The following USH2A variants were observed in gnomAD, a reference collection of about 807,000 sequenced individuals.
The protein encoded by USH2A is Usher syndrome 2A (autosomal recessive, mild).
USH2A carries 443 observed loss-of-function variants against 538.9 expected under a neutral mutation model. The observed-to-expected ratio is 0.82, with a 90% CI of 0.76 to 0.89. The LOEUF (loss-of-function observed/expected upper bound fraction) is 0.89, where lower values mean the gene tolerates loss of function less well. Ranked by LOEUF, USH2A falls within the 40% of genes least tolerant of loss-of-function variation. The probability of loss-of-function intolerance (pLI) is 0.00; values close to 1 mark genes in which losing one functional copy is unlikely to be tolerated. For missense variants in USH2A, 6,633 were observed against 6,324.8 expected, an observed-to-expected ratio of 1.05 and a Z score of -1.65; for synonymous variants, 2,413 against 2,273.5, an observed-to-expected ratio of 1.06 and a Z score of -1.75.
At chr1:215,975,111 A>G (rs1667590895) in intron 35 of USH2A, among the ~76,000 whole-genome samples, 1 of 151,684 alleles carries the variant, frequency 6.6e-6, no homozygotes, top group African/African-American at 2.4e-5. Flanking sequence ...CATGTTTGTT[A>G]GCTGTTTGTC....
intron 27 of USH2A, 40 bp from the exon 28 acceptor site, chr1:216,073,340 G>T: frequency 6.3e-7 from 1 of 1,597,094 alleles, no homozygotes; most frequent in South Asian, 1.1e-5. Context: ...TAAAGGGCTT[G>T]AGTCATTAAT....
intron 21 of USH2A, among the ~76,000 whole-genome samples, chr1:216,128,809 A>T (rs761621157): frequency 6.6e-6 from 1 of 152,064 alleles, no homozygotes; most frequent in African/African-American, 2.4e-5. Context: ...TGTTAATTAT[A>T]GTCACACTAT....
chr1:215,680,106 T>C (rs761118987), intron 62 of USH2A, 43 bp downstream of exon 62: 2 of 1,596,848 alleles, frequency 1.3e-6, no homozygotes, highest in African/African-American at 1.3e-5. Flanking sequence ...TCTATTTATC[T>C]GGAGAACACC....
At chr1:215,767,452 G>A (rs957453228) in intron 55 of USH2A, among the ~76,000 whole-genome samples, 1 of 152,106 alleles carries the variant, frequency 6.6e-6, no homozygotes, top group Non-Finnish European at 1.5e-5. Flanking sequence ...TTTAAACCTT[G>A]CACTGTATCT....
chr1:215,714,198 T>C (rs1354020227), intron 61 of USH2A, among the ~76,000 whole-genome samples: 1 of 152,150 alleles, frequency 6.6e-6, no homozygotes, highest in Non-Finnish European at 1.5e-5. Flanking sequence ...TGAAAAACAA[T>C]TTCTGAAATA....
At chr1:216,225,379 T>C (rs937509364) in intron 14 of USH2A, among the ~76,000 whole-genome samples, 3 of 152,210 alleles carry the variant, frequency 2.0e-5, no homozygotes, top group Non-Finnish European at 4.4e-5. Context: ...TGCCCTTCTG[T>C]GCTACAGGAT....
At chr1:216,320,193 C>T (rs946983673) in intron 9 of USH2A, among the ~76,000 whole-genome samples, 1 of 152,020 alleles carries the variant, frequency 6.6e-6, no homozygotes, top group Admixed American at 6.6e-5. Flanking sequence ...GCCTTCCCTT[C>T]AGCAGTGAGA....
intron 37 of USH2A, among the ~76,000 whole-genome samples, chr1:215,937,533 T>C (rs1198369994): frequency 6.6e-6 from 1 of 152,106 alleles, no homozygotes; most frequent in Non-Finnish European, 1.5e-5. Context: ...TAAGATTAAA[T>C]ATGACCATCC....
intron 23 of USH2A, among the ~76,000 whole-genome samples, chr1:216,088,234 A>T (rs2032194976): frequency 6.6e-6 from 1 of 151,940 alleles, no homozygotes; most frequent in African/African-American, 2.4e-5. Context: ...CATCAGAGAG[A>T]CCTTTCTTAA....
chr1:215,655,815 G>A (rs888043927), intron 64 of USH2A, among the ~76,000 whole-genome samples: 14 of 142,240 alleles, frequency 9.8e-5, no homozygotes, highest in African/African-American at 2.6e-4. Flanking sequence ...GACTCACTGC[G>A]ATCTCCACCT....
intron 38 of USH2A, among the ~76,000 whole-genome samples, chr1:215,909,000 A>C (rs189422137): frequency 1.3e-5 from 2 of 149,278 alleles, no homozygotes; most frequent in East Asian, 3.9e-4. Flanking sequence ...ATATAATAAT[A>C]ATACAAGTAT....
chr1:215,788,810 G>A (rs1661882798), intron 51 of USH2A, among the ~76,000 whole-genome samples: 1 of 152,130 alleles, frequency 6.6e-6, no homozygotes, highest in African/African-American at 2.4e-5. Flanking sequence ...AATCCTGTTG[G>A]AGGGTAAAAT....
At chr1:216,324,855 T>C (rs1394245848) in intron 6 of USH2A, among the ~76,000 whole-genome samples, 1 of 152,148 alleles carries the variant, frequency 6.6e-6, no homozygotes, top group African/African-American at 2.4e-5. Context: ...GTGGGTTGAA[T>C]TGTGTTCCCA....
intron 66 of USH2A, 63 bp from the exon 67 acceptor site, chr1:215,647,793 T>A: frequency 6.4e-7 from 1 of 1,570,442 alleles, no homozygotes; most frequent in Non-Finnish European, 8.7e-7. Context: ...CTCTCTCTTT[T>A]AAAACCAGTT....
intron 61 of USH2A, among the ~76,000 whole-genome samples, chr1:215,709,127 T>G (rs2102696462): frequency 6.6e-6 from 1 of 152,264 alleles, no homozygotes; most frequent in Admixed American, 6.5e-5. Flanking sequence ...TCAACAAAAT[T>G]TTGAAATGAT....
chr1:215,829,870 G>T (rs1180919640), intron 47 of USH2A, among the ~76,000 whole-genome samples: 1 of 152,114 alleles, frequency 6.6e-6, no homozygotes, highest in African/African-American at 2.4e-5. Context: ...TGACTGGGGG[G>T]GAAAAGGAAA....
intron 30 of USH2A, among the ~76,000 whole-genome samples, chr1:216,061,021 C>T (rs938043955): frequency 5.3e-5 from 8 of 152,174 alleles, no homozygotes; most frequent in African/African-American, 9.7e-5. Flanking sequence ...TACCCTGAGG[C>T]TCTGGCTGAG....
intron 23 of USH2A, 178 bp from the exon 24 acceptor site, chr1:216,086,998 T>C (rs2102563445): frequency 3.3e-6 from 2 of 599,592 alleles, no homozygotes; most frequent in South Asian, 1.7e-5. Context: ...AGCATCATGA[T>C]GTTGGAATGA....
At chr1:216,311,747 C>A (rs763544331) in intron 9 of USH2A, among the ~76,000 whole-genome samples, 6 of 151,908 alleles carry the variant, frequency 3.9e-5, no homozygotes, top group South Asian at 2.1e-4. Flanking sequence ...TAATGTCATG[C>A]GAGAGTTCCA....
Sources: allele counts gnomAD v4.1 joint callset (sites outside exome capture counted in the v4.1 genomes callset), GRCh38; gene constraint gnomAD v4.1.1; transcripts MANE v1.5; gene names NCBI Gene and HGNC (gene_info 2026-07-23, HGNC 2026-07-21).